ZCWPW2: variants seen among roughly 807,000 people sequenced by gnomAD.
The protein encoded by ZCWPW2 is zinc finger CW-type and PWWP domain containing 2.
In ZCWPW2, 45 loss-of-function variants were observed where a neutral mutation model predicts 46.6. The ratio of observed to expected loss-of-function variants is 0.96; its 90% CI spans 0.76 to 1.24. ZCWPW2 has a LOEUF of 1.24. ZCWPW2 is among the 50% of genes most tolerant of loss of function. The pLI is 0.00. For synonymous variants in ZCWPW2, 152 were observed against 137.1 expected, an observed-to-expected ratio of 1.11 and a Z score of -0.76; for missense variants, 429 against 403.9, an observed-to-expected ratio of 1.06 and a Z score of -0.53.
intron 4 of ZCWPW2, among the ~76,000 whole-genome samples, chr3:28,450,486 CATT>C (rs1368260651): frequency 3.3e-5 from 5 of 152,146 alleles, no homozygotes; most frequent in Non-Finnish European, 7.3e-5. Flanking sequence ...GGCATAGAGC[CATT>C]ATAATTTTTC....
intron 6 of ZCWPW2, among the ~76,000 whole-genome samples, chr3:28,494,553 A>G (rs1344013583): frequency 6.6e-6 from 1 of 151,756 alleles, no homozygotes; most frequent in Admixed American, 6.6e-5. Flanking sequence ...CTCCTATTCA[A>G]CATAGTGTTG....
intron 6 of ZCWPW2, among the ~76,000 whole-genome samples, chr3:28,500,520 A>G (rs1427778710): frequency 6.6e-6 from 1 of 152,062 alleles, no homozygotes; most frequent in African/African-American, 2.4e-5. Context: ...TTAACTTACT[A>G]TTTGAACAAC....
chr3:28,380,954 AT>A lies in ZCWPW2; in HGVS notation c.-133-9543del, dbSNP rs1695038506. ...ATTTGGTATATATATATATATATAT[AT>A]ATATATATATATATATTTGGTATAT... is the stretch of plus-strand genomic sequence containing the variant. On this transcript the variant is annotated intron_variant, in intron 1 of 9. Transcript: ENST00000383768. Among the ~76,000 whole-genome samples, 4 of 45,814 alleles carry A rather than the reference AT, an allele frequency of 8.7e-5. 1 individual carries two copies. Among genetic ancestry groups the A allele is most frequent in the Non-Finnish European group, 1.5e-4 (4 of 26,896 alleles). 30.1% of individuals were successfully genotyped at this position (45,814 alleles called of 152,430 possible). A position where few individuals can be genotyped will look rare whatever the true frequency, so the allele number is the denominator to read the frequency against.
chr3:28,408,774 T>C (rs1696268418), intron 2 of ZCWPW2, among the ~76,000 whole-genome samples: 1 of 152,178 alleles, frequency 6.6e-6, no homozygotes, highest in South Asian at 2.1e-4. Flanking sequence ...GAACTCGTTA[T>C]TGATAATCTC....
intron 6 of ZCWPW2, among the ~76,000 whole-genome samples, chr3:28,492,755 C>T (rs1375565174): frequency 1.3e-5 from 2 of 152,082 alleles, no homozygotes; most frequent in East Asian, 3.8e-4. Flanking sequence ...TTGACATTCT[C>T]CTCAAGAGAT....
chr3:28,518,797 A>G (rs1283760256), intron 8 of ZCWPW2, among the ~76,000 whole-genome samples: 1 of 152,204 alleles, frequency 6.6e-6, no homozygotes, highest in Admixed American at 6.5e-5. Context: ...ATTTCCATAG[A>G]CTCAGAATGT....
chr3:28,501,328 A>T (rs1453447168), intron 6 of ZCWPW2, among the ~76,000 whole-genome samples: 3 of 152,124 alleles, frequency 2.0e-5, no homozygotes, highest in Non-Finnish European at 4.4e-5. Flanking sequence ...GCCAGCTCAG[A>T]TTGACTGGGA....
chr3:28,466,362 A>T (rs925805205), intron 4 of ZCWPW2, among the ~76,000 whole-genome samples: 9 of 152,232 alleles, frequency 5.9e-5, no homozygotes, highest in Non-Finnish European at 1.5e-5. Flanking sequence ...AAAAATAAAG[A>T]AGTAACCATT....
At chr3:28,389,727 G>T (rs1017328816) in intron 1 of ZCWPW2, among the ~76,000 whole-genome samples, 3 of 152,148 alleles carry the variant, frequency 2.0e-5, no homozygotes, top group African/African-American at 7.2e-5. Flanking sequence ...TATAAAGAGA[G>T]ATTTAAGGAT....
intron 4 of ZCWPW2, among the ~76,000 whole-genome samples, chr3:28,475,590 T>C (rs2125801608): frequency 1.3e-5 from 2 of 152,334 alleles, no homozygotes; most frequent in Admixed American, 1.3e-4. Context: ...AAGGCCTTGA[T>C]GATGTGGCCC....
At chr3:28,473,262 G>C (rs954568316) in intron 4 of ZCWPW2, among the ~76,000 whole-genome samples, 1 of 152,100 alleles carries the variant, frequency 6.6e-6, no homozygotes, top group Non-Finnish European at 1.5e-5. Context: ...TATCACTTGA[G>C]GTCAGGAGTT....
intron 2 of ZCWPW2, among the ~76,000 whole-genome samples, chr3:28,403,401 C>G (rs1255831147): frequency 6.6e-6 from 1 of 151,890 alleles, no homozygotes; most frequent in Admixed American, 6.6e-5. Flanking sequence ...ATAGACAACA[C>G]AAAAAAATGA....
intron 4 of ZCWPW2, among the ~76,000 whole-genome samples, chr3:28,464,469 G>A (rs1698749352): frequency 6.6e-6 from 1 of 152,040 alleles, no homozygotes; most frequent in African/African-American, 2.4e-5. Context: ...GCAATCAGAT[G>A]TTCCTAGTTG....
At chr3:28,462,848 C>A (rs1045977099) in intron 4 of ZCWPW2, among the ~76,000 whole-genome samples, 1 of 152,126 alleles carries the variant, frequency 6.6e-6, no homozygotes, top group African/African-American at 2.4e-5. Context: ...TAGCACAAAC[C>A]TTGTTCAGCG....
At chr3:28,401,121 G>A (rs989889450) in intron 2 of ZCWPW2, among the ~76,000 whole-genome samples, 2 of 151,950 alleles carry the variant, frequency 1.3e-5, no homozygotes, top group African/African-American at 4.8e-5. Flanking sequence ...GGAGCTTGCA[G>A]TGAGCTGAGA....
rs900347492 is a variant in ZCWPW2 at position 28,390,731 on chromosome 3, A to G, written c.-14+114A>G. 41 of 774,764 alleles carry G rather than the reference A, an allele frequency of 5.3e-5. No individual in the cohort carries two copies. In the African/African-American group the frequency reaches 6.4e-4, roughly 12 times the overall value. The allele number at this position is 774,764 out of a possible 1,614,324, so 48.0% of individuals were successfully genotyped here. A position where few individuals can be genotyped will look rare whatever the true frequency, so the allele number is the denominator to read the frequency against. ...TTAAAATGTAAAAAAATTCACCTGT[A>G]TAACTTCTCTATGAAATAATAATTT... On this transcript the variant is annotated intron_variant, in intron 2 of 9. Coordinates refer to ENST00000383768, the MANE Select transcript of ZCWPW2 (RefSeq NM_001040432.4).
At chr3:28,452,129 G>A (rs929029026) in intron 4 of ZCWPW2, among the ~76,000 whole-genome samples, 4 of 152,142 alleles carry the variant, frequency 2.6e-5, no homozygotes, top group South Asian at 2.1e-4. Context: ...AATAGGAAAA[G>A]AATAAAGTTG....
At chr3:28,372,982 A>G (rs1575061284) in intron 1 of ZCWPW2, among the ~76,000 whole-genome samples, 1 of 152,168 alleles carries the variant, frequency 6.6e-6, no homozygotes, top group Non-Finnish European at 1.5e-5. Flanking sequence ...ATAATATTCC[A>G]TGGTCTATAT....
At chr3:28,349,999 A>G (rs1704479560) in intron 1 of ZCWPW2, among the ~76,000 whole-genome samples, 1 of 152,220 alleles carries the variant, frequency 6.6e-6, no homozygotes, top group Non-Finnish European at 1.5e-5. Context: ...TTGAAGTTTT[A>G]TGACATTTCT....
Sources: allele counts gnomAD v4.1 joint callset (sites outside exome capture counted in the v4.1 genomes callset), GRCh38; gene constraint gnomAD v4.1.1; transcripts MANE v1.5; gene names NCBI Gene and HGNC (gene_info 2026-07-23, HGNC 2026-07-21).